The following ADAMTS2 variants were observed in gnomAD, a reference collection of about 807,000 sequenced individuals.
The protein encoded by ADAMTS2 is A disintegrin and metalloproteinase with thrombospondin motifs 2.
In ADAMTS2, 50 loss-of-function variants were observed where a neutral mutation model predicts 123.0. The ratio of observed to expected loss-of-function variants is 0.41; its 90% CI spans 0.32 to 0.51. ADAMTS2 has a LOEUF of 0.51. Ranked by LOEUF, ADAMTS2 falls within the 20% of genes least tolerant of loss-of-function variation. The probability of loss-of-function intolerance (pLI) is 0.35; values close to 1 mark genes in which losing one functional copy is unlikely to be tolerated. For missense variants in ADAMTS2, 1,494 were observed against 1,705.2 expected (o/e 0.88, Z 2.18); for synonymous variants, 678 against 695.4 (o/e 0.98, Z 0.39).
chr5:179,171,691 G>A (rs1203149130), intron 5 of ADAMTS2, among the ~76,000 whole-genome samples: 3 of 152,204 alleles, frequency 2.0e-5, no homozygotes, highest in East Asian at 1.9e-4. Context: ...GGAGGAAGGC[G>A]GGGTAGGGCC....
rs1175842730 is a variant in ADAMTS2, at chr5:179,189,514, T to TG, written c.892-8360_892-8359insC. ...AGGCGCCCGCCAGTGCGCCTGGTTTTTTTTTTTTTTTTTTTTTTTTTTTTA... is the reference window on the plus strand; with the variant it reads ...AGGCGCCCGCCAGTGCGCCTGGTTTTGTTTTTTTTTTTTTTTTTTTTTTTTA... On this transcript the variant is annotated intron_variant, in intron 4 of 21. Transcript: ENST00000251582. This position sits in a 1 kb window ranked among gnomAD's most constrained non-coding sequence, Gnocchi z 4.2. Among the ~76,000 whole-genome samples the TG allele has an allele frequency of 7.4e-6, 1 of 134,930 alleles. No individual in the cohort carries two copies. Among genetic ancestry groups the TG allele is most frequent in the Non-Finnish European group, 1.6e-5 (1 of 62,864 alleles). The allele number at this position is 134,930 out of a possible 152,430, so 88.5% of individuals were successfully genotyped here. A position where few individuals can be genotyped will look rare whatever the true frequency, so the allele number is the denominator to read the frequency against.
At position 179,113,579 on chromosome 5, in the gene ADAMTS2, C is replaced by T. The variant is rs59090242; in HGVS notation, c.*288G>A. 528 of 478,228 alleles carry T rather than the reference C, an allele frequency of 1.1e-3. 9 individuals are homozygous for T. The East Asian group carries it at 0.017, about 15-fold the overall frequency. The allele number at this position is 478,228 out of a possible 1,614,324, so 29.6% of individuals were successfully genotyped here. ...TATTTTTGTTCTCTCAGAGTGATCC[C>T]TCTTGCCCTGCCCTCACTGAGGGAG... is the stretch of plus-strand genomic sequence containing the variant. On this transcript the variant is annotated 3_prime_UTR_variant, in exon 22 of 22. Coordinates refer to ENST00000251582, the MANE Select transcript of ADAMTS2 (RefSeq NM_014244.5).
chr5:179,126,151 G>T, intron 17 of ADAMTS2, 21 bp from the exon 18 acceptor site: 1 of 1,612,586 alleles, frequency 6.2e-7, no homozygotes, highest in Non-Finnish European at 8.5e-7. Context: ...AGAGCTCGAC[G>T]GGGGTCGGTG....
chr5:179,240,449 A>C (rs1349932536), intron 3 of ADAMTS2, among the ~76,000 whole-genome samples: 1 of 152,204 alleles, frequency 6.6e-6, no homozygotes, highest in Admixed American at 6.5e-5. Flanking sequence ...AGACCGTGAC[A>C]AGGCGGCAGC....
intron 4 of ADAMTS2, among the ~76,000 whole-genome samples, chr5:179,194,968 G>A (rs923350236): frequency 2.0e-5 from 3 of 152,306 alleles, no homozygotes; most frequent in East Asian, 1.9e-4. Flanking sequence ...CCCAATCTGC[G>A]CACTGCGATT....
intron 18 of ADAMTS2, among the ~76,000 whole-genome samples, chr5:179,125,777 C>T (rs1762844186): frequency 6.6e-6 from 1 of 152,266 alleles, no homozygotes; most frequent in South Asian, 2.1e-4. Context: ...CTGGGCATCC[C>T]TGTTTCTTGT....
chr5:179,209,538 GCACA>G (rs1192945143), intron 3 of ADAMTS2, among the ~76,000 whole-genome samples: 4 of 133,348 alleles, frequency 3.0e-5, no homozygotes, highest in African/African-American at 1.1e-4. Context: ...ACACACACAT[GCACA>G]CACATGTACA....
Position 179,296,613 on chromosome 5 carries a change from A to G in ADAMTS2, c.535-23549T>C, listed in dbSNP as rs464433. 1.5e-3 allele frequency among the ~76,000 whole-genome samples: 235 copies of G among 152,204 alleles called. 1 individual carries two copies. The highest frequency in any genetic ancestry group is 2.8e-3 in the Non-Finnish European group (189 of 67,982). On this transcript the variant is annotated intron_variant, in intron 2 of 21. Transcript: ENST00000251582. ...TCCGACTCGGATAAGGAAGGACCGC[A>G]AGGCAGGTGGAGATGGGCTCAGTGG... is the stretch of plus-strand genomic sequence containing the variant.
chr5:179,312,541 C>T lies in ADAMTS2; in HGVS notation c.534+31226G>A, dbSNP rs562528040. ...ATAAGCTTCCGATGCTTTTAAGCCG[C>T]TCCGTTTATGGTATTTGGCTATAGC... On this transcript the variant is annotated intron_variant, in intron 2 of 21. Transcript: ENST00000251582. The surrounding 1 kb of genome is among the most constrained non-coding windows in gnomAD (Gnocchi z 4.2). Among the ~76,000 whole-genome samples, 2 of 152,292 alleles carry T rather than the reference C, an allele frequency of 1.3e-5. No individual in the cohort carries two copies. Among genetic ancestry groups the T allele is most frequent in the African/African-American group, 4.8e-5 (2 of 41,550 alleles).
Position 179,125,046 on chromosome 5 carries a change from G to T in ADAMTS2, c.2885C>A (p.Ala962Asp). ...GCAGGCCCGGCGGCTCTCGGGCCGGGCGTCATTGCAGTGCTTGGCGTGCAC... is the reference window on the plus strand; with the variant it reads ...GCAGGCCCGGCGGCTCTCGGGCCGGTCGTCATTGCAGTGCTTGGCGTGCAC... The part of the protein sequence containing the change: ...RSVHAKHCND[A>D]RPESRRACSR... The change falls in exon 19 of 22, where the codon GCC (alanine) becomes GAC (aspartate). Residue 962 changes from alanine (A) to aspartate (D), a missense_variant. Coordinates refer to ENST00000251582, the MANE Select transcript of ADAMTS2 (RefSeq NM_014244.5). 1 of 1,608,750 alleles carries T rather than the reference G, an allele frequency of 6.2e-7. No homozygotes were observed. Among genetic ancestry groups the T allele is most frequent in the Non-Finnish European group, 8.5e-7 (1 of 1,178,858 alleles).
intron 3 of ADAMTS2, among the ~76,000 whole-genome samples, chr5:179,245,787 A>AAACAAC (rs1367952378): frequency 5.3e-5 from 4 of 76,128 alleles, no homozygotes; most frequent in African/African-American, 1.8e-4. Context: ...AAAAAAAAAA[A>AAACAAC]AAAAAAAACA....
chr5:179,334,302 T>C (rs1432189935), intron 2 of ADAMTS2, among the ~76,000 whole-genome samples: 2 of 152,188 alleles, frequency 1.3e-5, no homozygotes, highest in South Asian at 2.1e-4. Context: ...CTGGGTTTCA[T>C]TCCTGGCCCA....
At chr5:179,326,883 G>A (rs1318337938) in intron 2 of ADAMTS2, among the ~76,000 whole-genome samples, 1 of 152,118 alleles carries the variant, frequency 6.6e-6, no homozygotes, top group East Asian at 1.9e-4. Context: ...GAGGGAGAGG[G>A]AGAGAGAGGG....
chr5:179,209,998 G>A (rs1027189375), intron 3 of ADAMTS2, among the ~76,000 whole-genome samples: 75 of 152,354 alleles, frequency 4.9e-4, no homozygotes, highest in African/African-American at 1.8e-3. Context: ...AGAGGCACTC[G>A]TTGAGGTCAC....
Position 179,117,633 on chromosome 5 carries a change from A to G in ADAMTS2, c.3179-3309T>C, listed in dbSNP as rs1443292554. On this transcript the variant is annotated intron_variant, in intron 21 of 21. Coordinates refer to ENST00000251582, the MANE Select transcript of ADAMTS2 (RefSeq NM_014244.5). The surrounding 1 kb of genome is among the most constrained non-coding windows in gnomAD (Gnocchi z 4.2). ...AGTGGCGTGATCTTGGCTCACTGCA[A>G]CCTCCGCCTCCTGGGTTCAAGAGCC... Among the ~76,000 whole-genome samples, 2 of 151,330 alleles carry G rather than the reference A, an allele frequency of 1.3e-5. No homozygotes were observed. Among genetic ancestry groups the G allele is most frequent in the African/African-American group, 4.9e-5 (2 of 41,088 alleles).
At chr5:179,226,194 CTTT>C (rs201995636) in intron 3 of ADAMTS2, among the ~76,000 whole-genome samples, 6,229 of 151,956 alleles carry the variant, frequency 0.041, 210 homozygotes, top group Non-Finnish European at 0.053. Context: ...TTCTTTTCTT[CTTT>C]ATCTCTTTCT....
Position 179,162,616 on chromosome 5 carries a change from C to T in ADAMTS2, c.976-3737G>A, listed in dbSNP as rs190861590. 7.6e-4 allele frequency among the ~76,000 whole-genome samples: 115 copies of T among 152,248 alleles called. 1 individual carries two copies. Among genetic ancestry groups the T allele is most frequent in the Non-Finnish European group, 1.0e-3 (69 of 68,020 alleles). ...TTTACCCCACACGGTCGCCCCTGCT[C>T]GAGGGACCCAAGAGACAACAAGAGA... On this transcript the variant is annotated intron_variant, in intron 5 of 21. Transcript: ENST00000251582. This position sits in a 1 kb window ranked among gnomAD's most constrained non-coding sequence, Gnocchi z 5.1.
Position 179,153,518 on chromosome 5 carries a change from G to C in ADAMTS2, c.1488C>G (p.Phe496Leu). The change falls in exon 9 of 22, where the codon TTC becomes TTG. Residue 496 changes from phenylalanine (F) to leucine (L), a missense_variant. Physicochemically the swap from Phe to Leu is conservative, Grantham distance 22. Transcript: ENST00000251582. ...YSMNEQCRFD[F>L]GLGYMMCTAF... is the part of the protein sequence containing the mutation. ...CCGTGCACATCATGTAGCCCAGGCC[G>C]AAGTCAAAGCGGCATTGCTCGTTCA... The C allele has an allele frequency of 6.2e-7, 1 of 1,610,536 alleles. No homozygotes were observed. Among genetic ancestry groups the C allele is most frequent in the Non-Finnish European group, 8.5e-7 (1 of 1,179,876 alleles).
At chr5:179,147,986 A>G (rs1002212292) in intron 10 of ADAMTS2, among the ~76,000 whole-genome samples, 1 of 152,202 alleles carries the variant, frequency 6.6e-6, no homozygotes, top group African/African-American at 2.4e-5. Context: ...GGCTCCTGTG[A>G]GCAAGGGACC....
Sources: gnomAD v4.1 joint callset for allele counts (sites outside exome capture counted in the v4.1 genomes callset) on GRCh38, gnomAD v4.1.1 for gene constraint, Gnocchi (gnomAD v3.1) non-coding constraint, MANE v1.5 for transcripts, NCBI Gene and HGNC (gene_info 2026-07-23, HGNC 2026-07-21) for gene names.